The following DPP10 variants were observed in gnomAD, a reference collection of about 807,000 sequenced individuals.
DPP10 encodes inactive dipeptidyl peptidase 10.
DPP10 carries 33 observed loss-of-function variants against 120.9 expected under a neutral mutation model. The ratio of observed to expected loss-of-function variants is 0.27; its 90% CI spans 0.21 to 0.37. The LOEUF is 0.37. DPP10 is among the 10% of genes least tolerant of loss of function. DPP10 has a pLI of 1.00. For missense variants in DPP10, 816 were observed against 942.8 expected (o/e 0.87, Z 1.76); for synonymous variants, 337 against 326.1 (o/e 1.03, Z -0.36).
intron 1 of DPP10, among the ~76,000 whole-genome samples, chr2:114,513,319 G>A (rs936287865): frequency 3.3e-5 from 5 of 151,866 alleles, no homozygotes; most frequent in Non-Finnish European, 7.4e-5. Context: ...TCAGGAGTTC[G>A]AGACCAGCCT....
chr2:115,353,681 A>AT (rs1459220578), intron 3 of DPP10, among the ~76,000 whole-genome samples: 5 of 152,016 alleles, frequency 3.3e-5, no homozygotes, highest in Non-Finnish European at 5.9e-5. Flanking sequence ...ATTTATTTGC[A>AT]TTTTTTTGAA....
intron 5 of DPP10, among the ~76,000 whole-genome samples, chr2:115,541,315 C>T (rs184192784): frequency 7.9e-5 from 12 of 151,806 alleles, no homozygotes; most frequent in Admixed American, 5.9e-4. Context: ...AACAATGTTG[C>T]GATGATCATC....
intron 3 of DPP10, among the ~76,000 whole-genome samples, chr2:115,380,070 A>G (rs182674067): frequency 2.0e-5 from 3 of 152,108 alleles, no homozygotes; most frequent in Admixed American, 2.0e-4. Flanking sequence ...TATTAGGTCC[A>G]CTTGGTGCAG....
intron 1 of DPP10, among the ~76,000 whole-genome samples, chr2:115,224,569 CAGTT>C (rs1248935558): frequency 1.3e-5 from 2 of 151,944 alleles, no homozygotes; most frequent in Admixed American, 1.3e-4. Flanking sequence ...CATAAAATTT[CAGTT>C]AGAGGAATAA....
rs1464618482 is a variant in DPP10, at chr2:115,289,053, TC to T, written c.61-20181del. On this transcript the variant is annotated intron_variant, in intron 1 of 25. Coordinates refer to ENST00000410059, the MANE Select transcript of DPP10 (RefSeq NM_020868.6). ...CTTGTACCCAGAAAACCCTAAAGAT[TC>T]CCCCAAAACACTCCCGGATTTGATC... 2.0e-5 allele frequency among the ~76,000 whole-genome samples: 3 copies of T among 151,906 alleles called. No individual in the cohort carries two copies. In the East Asian group the frequency reaches 5.8e-4, roughly 29 times the overall value.
At chr2:114,902,890 T>G (rs1693692398) in intron 1 of DPP10, among the ~76,000 whole-genome samples, 1 of 152,190 alleles carries the variant, frequency 6.6e-6, no homozygotes, top group East Asian at 1.9e-4. Flanking sequence ...ATGACATGCA[T>G]CTATCATTAT....
chr2:114,862,293 G>T (rs1021204327), intron 1 of DPP10, among the ~76,000 whole-genome samples: 2 of 152,004 alleles, frequency 1.3e-5, no homozygotes, highest in Non-Finnish European at 1.5e-5. Flanking sequence ...AAATAAAAAA[G>T]GACTGAGCAC....
intron 5 of DPP10, among the ~76,000 whole-genome samples, chr2:115,655,600 C>T (rs1238730487): frequency 6.6e-6 from 1 of 151,438 alleles, no homozygotes; most frequent in Non-Finnish European, 1.5e-5. Context: ...TATATAGGGG[C>T]GTGTTATCAA....
At chr2:114,652,085 G>A (rs891420493) in intron 1 of DPP10, among the ~76,000 whole-genome samples, 1 of 152,136 alleles carries the variant, frequency 6.6e-6, no homozygotes, top group Admixed American at 6.5e-5. Flanking sequence ...GACAAAGGCA[G>A]GTGAGTGAAA....
At chr2:114,787,821 T>A (rs1013191143) in intron 1 of DPP10, among the ~76,000 whole-genome samples, 1 of 152,244 alleles carries the variant, frequency 6.6e-6, no homozygotes, top group Non-Finnish European at 1.5e-5. Flanking sequence ...GTGTTAAATC[T>A]CTGCTTTGTA....
At chr2:115,604,326 A>C (rs1371316409) in intron 5 of DPP10, among the ~76,000 whole-genome samples, 5 of 152,154 alleles carry the variant, frequency 3.3e-5, no homozygotes, top group African/African-American at 1.2e-4. Context: ...CTGAGTCCTC[A>C]GTCTTATAAC....
intron 1 of DPP10, among the ~76,000 whole-genome samples, chr2:114,528,346 C>T (rs895336403): frequency 2.0e-5 from 3 of 152,148 alleles, no homozygotes; most frequent in Admixed American, 6.5e-5. Context: ...TGCATAGGCA[C>T]AGTGCCTTTG....
At chr2:115,270,109 C>CACACAG (rs1251112541) in intron 1 of DPP10, among the ~76,000 whole-genome samples, 2 of 140,374 alleles carry the variant, frequency 1.4e-5, no homozygotes, top group Non-Finnish European at 3.1e-5. Flanking sequence ...CACACACACA[C>CACACAG]ACACAGACAC....
intron 1 of DPP10, among the ~76,000 whole-genome samples, chr2:115,188,240 C>G (rs563042528): frequency 6.6e-6 from 1 of 152,092 alleles, no homozygotes; most frequent in Non-Finnish European, 1.5e-5. Context: ...GCTTTTCCTT[C>G]GTATTTTTTA....
chr2:115,767,862 G>A (rs1575724747), intron 12 of DPP10, among the ~76,000 whole-genome samples: 1 of 152,098 alleles, frequency 6.6e-6, no homozygotes. Flanking sequence ...TACAGTTGCT[G>A]AAGAAAGGAT....
intron 7 of DPP10, among the ~76,000 whole-genome samples, chr2:115,693,184 C>T (rs2091410131): frequency 6.6e-6 from 1 of 152,174 alleles, no homozygotes; most frequent in Non-Finnish European, 1.5e-5. Context: ...TCTACCATCA[C>T]AGAACTCTCT....
intron 7 of DPP10, among the ~76,000 whole-genome samples, chr2:115,694,705 T>C (rs1384286650): frequency 3.3e-5 from 5 of 152,190 alleles, no homozygotes; most frequent in Non-Finnish European, 7.3e-5. Flanking sequence ...CATGTAACTA[T>C]TGAGAACTCT....
intron 2 of DPP10, among the ~76,000 whole-genome samples, chr2:115,331,540 TATG>T (rs2062735503): frequency 6.6e-6 from 1 of 152,192 alleles, no homozygotes; most frequent in Non-Finnish European, 1.5e-5. Context: ...GCCCATTCAG[TATG>T]ATATTGGCTG....
At chr2:114,817,568 C>T (rs1359300047) in intron 1 of DPP10, among the ~76,000 whole-genome samples, 1 of 152,178 alleles carries the variant, frequency 6.6e-6, no homozygotes, top group Non-Finnish European at 1.5e-5. Flanking sequence ...AAATGTGGCT[C>T]TTACTAGAAT....
Sources: allele counts gnomAD v4.1 joint callset (sites outside exome capture counted in the v4.1 genomes callset), GRCh38; gene constraint gnomAD v4.1.1; transcripts MANE v1.5; gene names NCBI Gene and HGNC (gene_info 2026-07-23, HGNC 2026-07-21).